PLXNA2: variants seen among roughly 807,000 people sequenced by gnomAD.
The protein encoded by PLXNA2 is plexin-A2.
A neutral mutation model predicts 193.5 loss-of-function variants in PLXNA2; 91 were observed. The observed-to-expected ratio is 0.47, with a 90% confidence interval of 0.40 to 0.56. The LOEUF (loss-of-function observed/expected upper bound fraction) is 0.56, where lower values mean the gene tolerates loss of function less well. Ranked by LOEUF, PLXNA2 falls within the 20% of genes least tolerant of loss-of-function variation. The probability of loss-of-function intolerance (pLI) is 0.00; values close to 1 mark genes in which losing one functional copy is unlikely to be tolerated. For synonymous variants in PLXNA2, 997 were observed against 1,027.3 expected (o/e 0.97, Z 0.56); for missense variants, 1,995 against 2,503.2 (o/e 0.80, Z 4.33).
At chr1:208,132,591 C>T (rs1041815615) in intron 4 of PLXNA2, among the ~76,000 whole-genome samples, 4 of 152,110 alleles carry the variant, frequency 2.6e-5, no homozygotes, top group Admixed American at 6.5e-5. Context: ...AAGAAAAACA[C>T]GGCAAAAATA....
At chr1:208,201,000 G>T (rs564541375) in intron 3 of PLXNA2, among the ~76,000 whole-genome samples, 1 of 152,350 alleles carries the variant, frequency 6.6e-6, no homozygotes, top group African/African-American at 2.4e-5. Flanking sequence ...CATGGTAATA[G>T]TACAGGAGTG....
At chr1:208,168,280 C>T (rs1327571658) in intron 3 of PLXNA2, among the ~76,000 whole-genome samples, 2 of 152,272 alleles carry the variant, frequency 1.3e-5, no homozygotes, top group African/African-American at 4.8e-5. Flanking sequence ...GGTATTCTGT[C>T]CAGAGAAGAG....
chr1:208,135,158 AG>A (rs1668265796), intron 4 of PLXNA2, among the ~76,000 whole-genome samples: 3 of 143,572 alleles, frequency 2.1e-5, no homozygotes, highest in Non-Finnish European at 4.5e-5. Context: ...AGAATTTCTT[AG>A]GGGGTGGTGG....
intron 4 of PLXNA2, among the ~76,000 whole-genome samples, chr1:208,134,179 T>G (rs147511710): frequency 1.2e-4 from 18 of 152,270 alleles, no homozygotes; most frequent in African/African-American, 3.9e-4. Context: ...AAGCCAAGTG[T>G]CTGATTAATA....
rs114972723 is a variant in PLXNA2, at chr1:208,038,786, T to A, written c.4660+39A>T. Reference sequence around the variant, plus strand: ...ATGGCAGCTTCCCTTCCTTCACCTCTCAACCCCTGCCCTCACACTCTGAGT... The same window carrying A: ...ATGGCAGCTTCCCTTCCTTCACCTCACAACCCCTGCCCTCACACTCTGAGT... On this transcript the variant is annotated intron_variant, in intron 25 of 31. Transcript: ENST00000367033. This position sits in a 1 kb window ranked among gnomAD's most constrained non-coding sequence, Gnocchi z 4.1. 1.2e-3 allele frequency: 1,912 copies of A among 1,600,064 alleles called. 22 individuals are homozygous for A. In the African/African-American group the frequency reaches 0.023, roughly 19 times the overall value.
intron 27 of PLXNA2, among the ~76,000 whole-genome samples, 191 bp from the exon 28 acceptor site, chr1:208,033,700 T>A (rs1193090): frequency 6.6e-6 from 1 of 152,310 alleles, no homozygotes; most frequent in Middle Eastern, 3.4e-3. Context: ...ACGGAAGAGC[T>A]TGAAGGCTTT....
intron 3 of PLXNA2, among the ~76,000 whole-genome samples, chr1:208,150,598 T>C (rs752451537): frequency 2.3e-4 from 35 of 152,176 alleles, no homozygotes; most frequent in Non-Finnish European, 4.1e-4. Context: ...GGTGGGGAGA[T>C]TGGCTGGTGA....
In PLXNA2 at chr1:208,217,310, G is replaced by C. The variant is rs540347153; in HGVS notation, c.613C>G (p.Arg205Gly). ...AGCATGGCTGAGGACTCAGGGTCTC[G>C]GGGCAGCTTCCGGCTGGACAGGGTC... ...FPTLSSRKLPRDPESSAMLDY... is the reference protein window; with the variant it reads ...FPTLSSRKLPGDPESSAMLDY... Residue 205 changes from arginine (R) to glycine (G), a missense_variant, in exon 2 of 32, where the codon CGA (arginine) becomes GGA (glycine). Coordinates refer to ENST00000367033, the MANE Select transcript of PLXNA2 (RefSeq NM_025179.4). This position sits in a 1 kb window ranked among gnomAD's most constrained non-coding sequence, Gnocchi z 4.7. 1.9e-6 allele frequency: 3 copies of C among 1,614,150 alleles called. No homozygotes were observed. The highest frequency in any genetic ancestry group is 1.1e-5 in the South Asian group (1 of 91,076).
rs10522096 is a variant in PLXNA2, at chr1:208,194,460, C to CA, written c.1371+15819dup. ...CAATAAATAATTTAGCAGCTTACTG[C>CA]AAAAAAAAAAAAAAAAAAAAGAAAG... is the stretch of plus-strand genomic sequence containing the variant. On this transcript the variant is annotated intron_variant, in intron 3 of 31. Transcript: ENST00000367033. Among the ~76,000 whole-genome samples the CA allele has an allele frequency of 2.3e-3, 220 of 93,930 alleles. 2 individuals carry two copies. Among genetic ancestry groups the CA allele is most frequent in the African/African-American group, 6.6e-3 (175 of 26,542 alleles). The allele number at this position is 93,930 out of a possible 152,430, so 61.6% of individuals were successfully genotyped here. A position where few individuals can be genotyped will look rare whatever the true frequency, so the allele number is the denominator to read the frequency against.
In PLXNA2 at chr1:208,051,391, G is replaced by A. The variant is rs1665256217; in HGVS notation, c.3026C>T (p.Pro1009Leu). The A allele has an allele frequency of 6.2e-7, 1 of 1,612,074 alleles. No homozygotes were observed. Among genetic ancestry groups the A allele is most frequent in the South Asian group, 1.1e-5 (1 of 90,568 alleles). ...RSMSEIVCVSPPSSNGLGPVP... is the reference protein window; with the variant it reads ...RSMSEIVCVSLPSSNGLGPVP... Reference sequence around the variant, plus strand: ...CGGGCCAAGGCCATTGGATGATGGGGGTGAGACACACACGATCTCACTCAT... The same window carrying A: ...CGGGCCAAGGCCATTGGATGATGGGAGTGAGACACACACGATCTCACTCAT... The change falls in exon 16 of 32, where the codon CCC becomes CTC. Residue 1009 changes from proline to leucine, a missense_variant. By Grantham distance (98) the Pro-to-Leu change is moderately conservative. Around this residue, in one of 3 missense-constraint regions of PLXNA2, gnomAD observed 1,291 missense variants for 1,673.6 expected, o/e 0.77. Coordinates refer to ENST00000367033, the MANE Select transcript of PLXNA2 (RefSeq NM_025179.4).
chr1:208,221,004 A>C (rs750758759), intron 1 of PLXNA2, among the ~76,000 whole-genome samples: 5 of 152,182 alleles, frequency 3.3e-5, no homozygotes, highest in Admixed American at 6.5e-5. Flanking sequence ...CGCAGACTGC[A>C]GGAAGGCTGG....
chr1:208,151,461 T>G (rs1301932648), intron 3 of PLXNA2, among the ~76,000 whole-genome samples: 2 of 152,126 alleles, frequency 1.3e-5, no homozygotes, highest in Non-Finnish European at 2.9e-5. Flanking sequence ...AGCTCTGGAA[T>G]AGGGTGTGGT....
rs949584482 is a variant in PLXNA2 at position 208,079,449 on chromosome 1, G to C, written c.2397C>G (p.Val799=). The C allele has an allele frequency of 3.8e-6, 6 of 1,577,226 alleles. No homozygotes were observed. In the African/African-American group the frequency reaches 8.1e-5, roughly 21 times the overall value. Residue 799 remains valine (V), a splice_region_variant and synonymous_variant, in exon 12 of 32, where the codon GTC becomes GTG. Transcript: ENST00000367033. ...GCTGGGCTGCACACTTGTAGAGATG[G>C]ACTGCAAAGAGAGCAGGTGGTCACA... ...FIIDNPQDLK[V]HLYKCAAQRE...
rs747616448 is a variant in PLXNA2, at chr1:208,216,914, C to A, written c.1009G>T (p.Ala337Ser). The A allele has an allele frequency of 9.9e-6, 16 of 1,614,064 alleles. No individual in the cohort carries two copies. The highest frequency in any genetic ancestry group is 1.4e-5 in the Non-Finnish European group (16 of 1,180,036). ...NITSQDDVLF[A>S]IFSKGQKQYH... ...TGCTTCTGCCCTTTGGAGAAGATGG[C>A]AAAGAGTACATCGTCCTGGCTGGTG... Residue 337 changes from alanine (A) to serine (S), a missense_variant, in exon 2 of 32, where the codon GCC (alanine) becomes TCC (serine). Physicochemically the swap from Ala to Ser is moderately conservative, Grantham distance 99. This residue lies in a region of PLXNA2 where 702 missense variants were observed against 812.9 expected (regional missense o/e 0.86). Transcript: ENST00000367033.
chr1:208,214,564 G>A (rs906926091), intron 2 of PLXNA2, among the ~76,000 whole-genome samples: 6 of 152,098 alleles, frequency 3.9e-5, no homozygotes, highest in South Asian at 2.1e-4. Flanking sequence ...TGGTCCCAAC[G>A]GCAGGCACCT....
Position 208,033,476 on chromosome 1 carries a change from C to T in PLXNA2, c.4898G>A (p.Ser1633Asn). ...SSFRYTGSPDSLRSRAPMITP... is the reference protein window; with the variant it reads ...SSFRYTGSPDNLRSRAPMITP... ...GATCATCGGGGCCCGGGACCGCAGG[C>T]TGTCGGGGCTGCCCGTATACCTGAA... is the stretch of plus-strand genomic sequence containing the variant. Residue 1633 changes from serine (S) to asparagine (N), a missense_variant, in exon 28 of 32, where the codon AGC becomes AAC. Ser to Asn is a conservative substitution (Grantham distance 46, BLOSUM62 1). Around this residue, in one of 3 missense-constraint regions of PLXNA2, gnomAD observed 1,291 missense variants for 1,673.6 expected, o/e 0.77. Transcript: ENST00000367033. The T allele has an allele frequency of 6.2e-7, 1 of 1,612,810 alleles. No homozygotes were observed. The highest frequency in any genetic ancestry group is 8.5e-7 in the Non-Finnish European group (1 of 1,179,238).
intron 12 of PLXNA2, among the ~76,000 whole-genome samples, chr1:208,078,644 C>A (rs1015360655): frequency 6.6e-6 from 1 of 152,154 alleles, no homozygotes; most frequent in Admixed American, 6.5e-5. Context: ...CTCTCCCAGG[C>A]CATTTGAAAC....
intron 3 of PLXNA2, among the ~76,000 whole-genome samples, chr1:208,145,691 G>A (rs1381011341): frequency 1.3e-5 from 2 of 152,186 alleles, no homozygotes; most frequent in East Asian, 3.9e-4. Flanking sequence ...ATTGTCTGCT[G>A]CATTCGGTCA....
At chr1:208,210,523 C>T (rs1208952706) in intron 2 of PLXNA2, 61 bp from the exon 3 acceptor site, 28 of 1,431,334 alleles carry the variant, frequency 2.0e-5, no homozygotes, top group Middle Eastern at 2.4e-4. Flanking sequence ...AGTCTCTACA[C>T]GACCCATATC....
Sources: gnomAD v4.1 joint callset for allele counts (sites outside exome capture counted in the v4.1 genomes callset) on GRCh38, gnomAD v4.1.1 for gene constraint, gnomAD v4.1.1 regional missense constraint, Gnocchi (gnomAD v3.1) non-coding constraint, MANE v1.5 for transcripts, NCBI Gene and HGNC (gene_info 2026-07-23, HGNC 2026-07-21) for gene names.